KIAA1671: variants seen among roughly 807,000 people sequenced by gnomAD.
KIAA1671 encodes uncharacterized protein KIAA1671.
In KIAA1671, 52 loss-of-function variants were observed where a neutral mutation model predicts 131.2. The ratio of observed to expected loss-of-function variants is 0.40; its 90% CI spans 0.32 to 0.50. The LOEUF is 0.50. Ranked by LOEUF, KIAA1671 falls within the 20% of genes least tolerant of loss-of-function variation. The pLI is 0.73. For synonymous variants in KIAA1671, 1,003 were observed against 961.6 expected, an observed-to-expected ratio of 1.04 and a Z score of -0.80; for missense variants, 2,360 against 2,364.2, an observed-to-expected ratio of 1.00 and a Z score of 0.04.
chr22:25,080,235 C>G lies in KIAA1671; in HGVS notation c.4530+30871C>G, dbSNP rs1281017622. On this transcript the variant is annotated intron_variant, in intron 6 of 12. Transcript: ENST00000358431. ...ATACGTTCTCCACCTCTTCCCGTAG[C>G]TCCCCTTCCCCAGCTGTACAATGGG... 2.0e-5 allele frequency among the ~76,000 whole-genome samples: 3 copies of G among 152,288 alleles called. No individual in the cohort carries two copies. The East Asian group carries it at 5.8e-4, about 29-fold the overall frequency.
intron 5 of KIAA1671, among the ~76,000 whole-genome samples, chr22:25,046,882 A>G (rs1343992616): frequency 2.6e-5 from 4 of 151,952 alleles, no homozygotes; most frequent in African/African-American, 9.7e-5. Flanking sequence ...GTTAGTTATG[A>G]AGGCTCCCCA....
At chr22:25,169,990 T>G (rs560042745) in intron 6 of KIAA1671, among the ~76,000 whole-genome samples, 7 of 152,278 alleles carry the variant, frequency 4.6e-5, no homozygotes, top group Non-Finnish European at 8.8e-5. Context: ...CTTGGCTCAT[T>G]GCAAGCTCCG....
In KIAA1671 at chr22:25,040,898, C is replaced by A. The variant is rs982066655; in HGVS notation, c.3768C>A (p.Thr1256=). 29 of 1,515,388 alleles carry A rather than the reference C, an allele frequency of 1.9e-5. No homozygotes were observed. Among genetic ancestry groups the A allele is most frequent in the East Asian group, 2.5e-5 (1 of 40,564 alleles). 93.9% of individuals were successfully genotyped at this position (1,515,388 alleles called of 1,614,324 possible). A position where few individuals can be genotyped will look rare whatever the true frequency, so the allele number is the denominator to read the frequency against. ...GGAGCCTGAAGGAGATGCCCGATAC[C>A]GGGGGTCTCTGGAAACCGGCCAGTT... The part of the protein sequence containing the change: ...RRRSLKEMPD[T]GGLWKPASSA... The change falls in exon 5 of 13, where the codon ACC becomes ACA. Residue 1256 remains threonine, a synonymous_variant. Transcript: ENST00000358431.
intron 10 of KIAA1671, among the ~76,000 whole-genome samples, chr22:25,183,080 C>G (rs1205167030): frequency 6.6e-6 from 1 of 152,184 alleles, no homozygotes; most frequent in Non-Finnish European, 1.5e-5. Flanking sequence ...CCCCCTGTTT[C>G]AGACATCATG....
chr22:25,153,644 T>C (rs1057080495), intron 6 of KIAA1671, among the ~76,000 whole-genome samples: 1 of 152,212 alleles, frequency 6.6e-6, no homozygotes, highest in Non-Finnish European at 1.5e-5. Context: ...GGGGCTGGCA[T>C]AGTCAAATGC....
chr22:25,073,234 AT>A (rs1251027928), intron 6 of KIAA1671, among the ~76,000 whole-genome samples: 1 of 151,030 alleles, frequency 6.6e-6, no homozygotes, highest in Non-Finnish European at 1.5e-5. Flanking sequence ...TGCCCAGCTA[AT>A]TTTTTAACTT....
In KIAA1671 at chr22:24,973,389, G is replaced by GTTTTTT. The variant is rs57519039; in HGVS notation, c.-208+20639_-208+20644dup. On this transcript the variant is annotated intron_variant, in intron 1 of 12. Transcript: ENST00000358431. ...TACAGACCCCAAACTGCATATGATG[G>GTTTTTT]TTTTTTTTTTTTTTTTTTTTTTTTT... Among the ~76,000 whole-genome samples the GTTTTTT allele has an allele frequency of 1.8e-3, 127 of 71,678 alleles. 17 individuals carry two copies. The highest frequency in any genetic ancestry group is 5.6e-3 in the African/African-American group (101 of 18,030). 47.0% of individuals were successfully genotyped at this position (71,678 alleles called of 152,430 possible).
intron 6 of KIAA1671, among the ~76,000 whole-genome samples, chr22:25,136,737 CTA>C (rs1366889990): frequency 6.6e-6 from 1 of 152,192 alleles, no homozygotes; most frequent in Non-Finnish European, 1.5e-5. Flanking sequence ...TGGGGCAGAG[CTA>C]TAGACCTTTG....
intron 1 of KIAA1671, among the ~76,000 whole-genome samples, chr22:24,955,935 G>A (rs1457726564): frequency 1.3e-5 from 2 of 150,234 alleles, no homozygotes; most frequent in African/African-American, 2.5e-5. Flanking sequence ...TGAGGCAGGA[G>A]AATGGCATGA....
chr22:25,069,262 CAG>C (rs1928677586), intron 6 of KIAA1671, among the ~76,000 whole-genome samples: 1 of 152,126 alleles, frequency 6.6e-6, no homozygotes, highest in Non-Finnish European at 1.5e-5. Context: ...GCCCTGAACA[CAG>C]GGATAATTTG....
rs1456246907 is a variant in KIAA1671 at position 25,194,614 on chromosome 22, C to T, written c.*2213C>T. On this transcript the variant is annotated 3_prime_UTR_variant, in exon 13 of 13. Coordinates refer to ENST00000358431, the MANE Select transcript of KIAA1671 (RefSeq NM_001145206.2). ...AGATTGACCTGGAGATTTTTTTTCC[C>T]TAATCTCTCATACCTTAATTGGAAA... The T allele has an allele frequency of 6.6e-6, 1 of 152,138 alleles. No homozygotes were observed. The highest frequency in any genetic ancestry group is 2.4e-5 in the African/African-American group (1 of 41,422). 9.4% of individuals were successfully genotyped at this position (152,138 alleles called of 1,614,324 possible).
intron 6 of KIAA1671, among the ~76,000 whole-genome samples, chr22:25,166,099 G>C (rs1262189971): frequency 6.6e-6 from 1 of 152,236 alleles, no homozygotes; most frequent in Non-Finnish European, 1.5e-5. Context: ...AAGGATGCCA[G>C]GGGAGGTCCC....
intron 1 of KIAA1671, among the ~76,000 whole-genome samples, chr22:24,968,307 T>C (rs1922411919): frequency 1.3e-5 from 2 of 152,108 alleles, no homozygotes; most frequent in Non-Finnish European, 2.9e-5. Flanking sequence ...CTTCCCTGGC[T>C]TTGGTTGGAG....
intron 1 of KIAA1671, among the ~76,000 whole-genome samples, chr22:24,963,289 G>A (rs1006117573): frequency 8.6e-5 from 13 of 150,316 alleles, no homozygotes; most frequent in African/African-American, 2.5e-4. Context: ...ACTTGAACCT[G>A]GGAGGCGGCT....
Position 25,164,978 on chromosome 22 carries a change from CGTGTGTGTGT to C in KIAA1671, c.4531-5807_4531-5798del, listed in dbSNP as rs59765745. Among the ~76,000 whole-genome samples the C allele has an allele frequency of 6.9e-3, 806 of 116,600 alleles. 15 individuals carry two copies. The highest frequency in any genetic ancestry group is 0.024 in the African/African-American group (731 of 30,856). 76.5% of individuals were successfully genotyped at this position (116,600 alleles called of 152,430 possible). On this transcript the variant is annotated intron_variant, in intron 6 of 12. Coordinates refer to ENST00000358431, the MANE Select transcript of KIAA1671 (RefSeq NM_001145206.2). ...AAAAAAAAAGAGAGAGAGTTGCAGG[CGTGTGTGTGT>C]GTGTGTGTGTGTGTGTGTGTGTGTG...
chr22:25,160,848 G>A (rs1302400162), intron 6 of KIAA1671, among the ~76,000 whole-genome samples: 1 of 152,216 alleles, frequency 6.6e-6, no homozygotes. Context: ...TGGGGATGGG[G>A]CAAGACTTGG....
chr22:25,144,358 A>T (rs1246360417), intron 6 of KIAA1671, among the ~76,000 whole-genome samples: 1 of 152,156 alleles, frequency 6.6e-6, no homozygotes, highest in Admixed American at 6.5e-5. Context: ...CACTCCGGGT[A>T]ACAGACTCCA....
chr22:24,953,559 ACCAGGCAGGCCCGCG>A (rs1921531761), intron 1 of KIAA1671, among the ~76,000 whole-genome samples: 1 of 151,694 alleles, frequency 6.6e-6, no homozygotes. Flanking sequence ...TCCCCCTGTT[ACCAGGCAGGCCCGCG>A]TGGTCCCCGC....
At position 25,174,384 on chromosome 22, in the gene KIAA1671, C is replaced by T. The variant is rs367640193; in HGVS notation, c.4794C>T (p.Ser1598=). 6.1e-4 allele frequency: 946 copies of T among 1,552,040 alleles called. No homozygotes were observed. The highest frequency in any genetic ancestry group is 7.9e-4 in the Non-Finnish European group (908 of 1,147,082). ...GCTCCAGGGACCAGCGGAGCACCAG[C>T]GTGGACCACTCCAGCACTGACCTGG... ...YDCSRDQRST[S]VDHSSTDLES... is the part of the protein sequence containing the mutation. The change falls in exon 8 of 13, where the codon AGC becomes AGT. Residue 1598 remains serine (S), a synonymous_variant. Transcript: ENST00000358431.
Sources: gnomAD v4.1 joint callset for allele counts (sites outside exome capture counted in the v4.1 genomes callset) on GRCh38, gnomAD v4.1.1 for gene constraint, MANE v1.5 for transcripts, NCBI Gene and HGNC (gene_info 2026-07-23, HGNC 2026-07-21) for gene names.